Variants in ANGPTL5 observed in about 807,000 individuals in gnomAD.
ANGPTL5 encodes angiopoietin like 5.
A neutral mutation model predicts 39.4 loss-of-function variants in ANGPTL5; 34 were observed. That is an observed-to-expected ratio of 0.86 (90% CI 0.66 to 1.15). ANGPTL5 has a LOEUF of 1.15. Ranked by LOEUF, ANGPTL5 falls within the 50% of genes most tolerant of loss-of-function variation. The pLI is 0.00. For missense variants in ANGPTL5, 467 were observed against 457.5 expected (o/e 1.02, Z -0.19); for synonymous variants, 146 against 152.1 (o/e 0.96, Z 0.29).
chr11:101,901,015 C>CTTTTTT (rs34425298), intron 6 of ANGPTL5, among the ~76,000 whole-genome samples: 1,720 of 98,520 alleles, frequency 0.017, 19 homozygotes, highest in Non-Finnish European at 0.02. Context: ...GCACCCCCGG[C>CTTTTTT]TTTTTTTTTT....
At chr11:101,914,365 C>T (rs138710335) in intron 1 of ANGPTL5, among the ~76,000 whole-genome samples, 1 of 152,314 alleles carries the variant, frequency 6.6e-6, no homozygotes, top group East Asian at 1.9e-4. Flanking sequence ...TTCCATACTT[C>T]CCAAAACCAT....
chr11:101,915,341 A>G, intron 1 of ANGPTL5: 3 of 1,613,974 alleles, frequency 1.9e-6, no homozygotes, highest in Non-Finnish European at 2.5e-6. Flanking sequence ...GCACTGAATC[A>G]TCGGACAACC....
At chr11:101,897,202 G>C (rs1939813984) in intron 7 of ANGPTL5, among the ~76,000 whole-genome samples, 2 of 152,048 alleles carry the variant, frequency 1.3e-5, no homozygotes, top group Non-Finnish European at 2.9e-5. Flanking sequence ...TGATGGGCTT[G>C]TTTGTTTTTT....
Position 101,894,973 on chromosome 11 carries a change from A to C in ANGPTL5, c.753T>G (p.Asp251Glu). Residue 251 changes from aspartate (D) to glutamate (E), a missense_variant, in exon 8 of 9, where the codon GAT becomes GAG. Transcript: ENST00000334289. ...FMLYVALESE[D>E]DTLAYASYDN... ...CATATGATGCATAAGCAAGAGTGTC[A>C]TCTTCAGATTCCAAAGCCACATACA... The C allele has an allele frequency of 6.2e-7, 1 of 1,612,188 alleles. No homozygotes were observed. The highest frequency in any genetic ancestry group is 8.5e-7 in the Non-Finnish European group (1 of 1,178,398).
In ANGPTL5 at chr11:101,895,068, T is replaced by TA. The variant is rs529667089; in HGVS notation, c.662-5dup. On this transcript the variant is annotated splice_polypyrimidine_tract_variant and splice_region_variant and intron_variant, in intron 7 of 8. Coordinates refer to ENST00000334289, the MANE Select transcript of ANGPTL5 (RefSeq NM_178127.5). Reference sequence around the variant, plus strand: ...TTCAGTCCTAGCCAAAATTCTCCTGTAAAAAAAATGCTTTGTTTTAATATA... The same window carrying TA: ...TTCAGTCCTAGCCAAAATTCTCCTGTAAAAAAAAATGCTTTGTTTTAATATA... 2.3e-4 allele frequency: 352 copies of TA among 1,551,792 alleles called. 3 individuals carry two copies. The highest frequency in any genetic ancestry group is 2.1e-3 in the Middle Eastern group (12 of 5,692).
chr11:101,894,225 T>C lies in ANGPTL5; in HGVS notation c.847+654A>G, dbSNP rs77249599. Among the ~76,000 whole-genome samples, 241 of 152,328 alleles carry C rather than the reference T, an allele frequency of 1.6e-3. 1 individual carries two copies. Among genetic ancestry groups the C allele is most frequent in the African/African-American group, 5.4e-3 (225 of 41,576 alleles). ...GAACATATATCATTTATTTTTTGAT[T>C]TCTAACACTAAATATACATAATGAA... is the stretch of plus-strand genomic sequence containing the variant. On this transcript the variant is annotated intron_variant, in intron 8 of 8. Transcript: ENST00000334289.
intron 1 of ANGPTL5, among the ~76,000 whole-genome samples, chr11:101,910,410 CAAA>C (rs200542892): frequency 0.014 from 1,700 of 120,932 alleles, 33 homozygotes; most frequent in African/African-American, 0.047. Context: ...AACTCCGTCT[CAAA>C]AAAAAAAAAA....
At chr11:101,900,096 G>A (rs1329056445) in intron 7 of ANGPTL5, among the ~76,000 whole-genome samples, 4 of 152,146 alleles carry the variant, frequency 2.6e-5, no homozygotes, top group Non-Finnish European at 5.9e-5. Context: ...TTAAGATCTA[G>A]GACAACGCTG....
intron 1 of ANGPTL5, among the ~76,000 whole-genome samples, chr11:101,908,778 C>T (rs1565342963): frequency 8.6e-6 from 1 of 116,712 alleles, no homozygotes; most frequent in African/African-American, 3.8e-5. Context: ...GAGACTCCAT[C>T]TCAAAAAAAA....
intron 7 of ANGPTL5, among the ~76,000 whole-genome samples, chr11:101,899,202 A>G (rs1171360851): frequency 3.3e-5 from 5 of 152,192 alleles, no homozygotes; most frequent in Non-Finnish European, 7.3e-5. Context: ...ACTGGTTGGA[A>G]TAGTTTCAGA....
chr11:101,897,624 A>G (rs559779375), intron 7 of ANGPTL5, among the ~76,000 whole-genome samples: 3 of 152,282 alleles, frequency 2.0e-5, no homozygotes, highest in African/African-American at 7.2e-5. Flanking sequence ...TCCTTTCCCC[A>G]TTGCTTTTTT....
At chr11:101,915,188 C>G (rs1940173780) in intron 1 of ANGPTL5, 1 of 1,536,190 alleles carries the variant, frequency 6.5e-7, no homozygotes, top group South Asian at 1.2e-5. Flanking sequence ...GCCTGAGAGA[C>G]GGAGTGTAGG....
chr11:101,914,024 C>G (rs1453595762), intron 1 of ANGPTL5, among the ~76,000 whole-genome samples: 1 of 152,218 alleles, frequency 6.6e-6, no homozygotes, highest in Admixed American at 6.5e-5. Context: ...ACTTTAAAAT[C>G]TGTCGCCAGT....
chr11:101,903,503 TTA>T (rs1261851547), intron 5 of ANGPTL5, among the ~76,000 whole-genome samples: 1 of 152,154 alleles, frequency 6.6e-6, no homozygotes, highest in African/African-American at 2.4e-5. Context: ...CTTCATAGTG[TTA>T]TCCTAACTAT....
chr11:101,902,800 G>T, intron 5 of ANGPTL5, 79 bp from the exon 6 acceptor site: 1 of 830,584 alleles, frequency 1.2e-6, no homozygotes, highest in Non-Finnish European at 2.0e-6. Context: ...AGAATTGATA[G>T]TGCTATTATC....
intron 5 of ANGPTL5, among the ~76,000 whole-genome samples, chr11:101,903,693 T>C (rs1939948159): frequency 6.6e-6 from 1 of 152,164 alleles, no homozygotes; most frequent in Admixed American, 6.5e-5. Context: ...ATTCTTATAA[T>C]GACTTTATGC....
intron 1 of ANGPTL5, among the ~76,000 whole-genome samples, chr11:101,914,439 C>T (rs1302615843): frequency 6.6e-6 from 1 of 152,176 alleles, no homozygotes; most frequent in Admixed American, 6.5e-5. Flanking sequence ...TGTGATGGTC[C>T]ATTTCCAGAA....
chr11:101,900,907 A>G (rs1939884427), intron 6 of ANGPTL5, among the ~76,000 whole-genome samples: 2 of 151,440 alleles, frequency 1.3e-5, no homozygotes, highest in Middle Eastern at 3.4e-3. Flanking sequence ...GCTGGAGTGC[A>G]GTGGCGCGAT....
intron 3 of ANGPTL5, 109 bp downstream of exon 3, chr11:101,906,994 A>G: frequency 7.3e-6 from 6 of 816,558 alleles, no homozygotes; most frequent in Non-Finnish European, 1.1e-5. Flanking sequence ...TAGGATGATC[A>G]GGATGTATAG....
Sources: gnomAD v4.1 joint callset for allele counts (sites outside exome capture counted in the v4.1 genomes callset) on GRCh38, gnomAD v4.1.1 for gene constraint, MANE v1.5 for transcripts, NCBI Gene and HGNC (gene_info 2026-07-23, HGNC 2026-07-21) for gene names.